RPS6KA2: variants seen among roughly 807,000 people sequenced by gnomAD.
RPS6KA2 encodes the protein ribosomal protein S6 kinase A2, also known as ribosomal protein S6 kinase alpha-2.
A neutral mutation model predicts 91.8 loss-of-function variants in RPS6KA2; 42 were observed. The observed-to-expected ratio is 0.46, with a 90% CI of 0.36 to 0.59. RPS6KA2 has a LOEUF of 0.59. RPS6KA2 is among the 20% of genes least tolerant of loss of function. The pLI is 0.00. For missense variants in RPS6KA2, 798 were observed against 978.5 expected (o/e 0.82, Z 2.46); for synonymous variants, 414 against 393.6 (o/e 1.05, Z -0.61).
At chr6:166,489,270 A>G (rs1781514677) in intron 9 of RPS6KA2, among the ~76,000 whole-genome samples, 1 of 152,244 alleles carries the variant, frequency 6.6e-6, no homozygotes, top group African/African-American at 2.4e-5. Flanking sequence ...TAACATTGTT[A>G]ATGGAAATTA....
intron 14 of RPS6KA2, among the ~76,000 whole-genome samples, chr6:166,438,265 A>C (rs1333900729): frequency 6.6e-6 from 1 of 152,248 alleles, no homozygotes; most frequent in Non-Finnish European, 1.5e-5. Flanking sequence ...CATCTGTCTT[A>C]ATTCCGTTTC....
At chr6:166,585,288 T>C (rs1246598548) in intron 1 of RPS6KA2, among the ~76,000 whole-genome samples, 2 of 152,236 alleles carry the variant, frequency 1.3e-5, no homozygotes, top group African/African-American at 4.8e-5. Flanking sequence ...TCAGCAACTT[T>C]AGCTTCTTCA....
At chr6:166,776,652 A>C (rs1255992980) in intron 2 of RPS6KA2, among the ~76,000 whole-genome samples, 1 of 152,166 alleles carries the variant, frequency 6.6e-6, no homozygotes, top group Admixed American at 6.5e-5. Flanking sequence ...TATAGACAGA[A>C]CCGCACAGCG....
upstream of RPS6KA2, among the ~76,000 whole-genome samples, chr6:166,631,284 A>G (rs1787067394): frequency 6.6e-6 from 1 of 152,248 alleles, no homozygotes. Context: ...TAGTCAGGAG[A>G]GGCAGGTGGA....
chr6:166,752,208 A>G (rs1791307958), intron 2 of RPS6KA2, among the ~76,000 whole-genome samples: 2 of 152,232 alleles, frequency 1.3e-5, no homozygotes, highest in Admixed American at 6.5e-5. Flanking sequence ...GGCCTAGCCA[A>G]TGGGCGGTAT....
intron 10 of RPS6KA2, among the ~76,000 whole-genome samples, chr6:166,486,722 C>T (rs371690814): frequency 4.7e-4 from 72 of 152,096 alleles, no homozygotes; most frequent in East Asian, 3.3e-3. Context: ...GCACGGGCTC[C>T]GCTGCGGGGT....
chr6:166,411,979 GGCAGCCCAGTGC>G lies in RPS6KA2; in HGVS notation c.*771_*782del, dbSNP rs1778319314. 2 of 152,268 alleles carry G rather than the reference GGCAGCCCAGTGC, an allele frequency of 1.3e-5. No individual in the cohort carries two copies. The highest frequency in any genetic ancestry group is 1.3e-4 in the Admixed American group (2 of 15,268). The allele number at this position is 152,268 out of a possible 1,614,324, so 9.4% of individuals were successfully genotyped here. A position where few individuals can be genotyped will look rare whatever the true frequency, so the allele number is the denominator to read the frequency against. On this transcript the variant is annotated 3_prime_UTR_variant, in exon 21 of 21. Coordinates refer to ENST00000265678, the MANE Select transcript of RPS6KA2 (RefSeq NM_021135.6). The surrounding 1 kb of genome is among the most constrained non-coding windows in gnomAD (Gnocchi z 4.5). ...GTGGCCACGGGAGCTGGGGACAGAC[GGCAGCCCAGTGC>G]GCTTGGCCCCCCGGGGAAAGCCGAG... is the stretch of plus-strand genomic sequence containing the variant.
At chr6:166,449,860 T>C (rs62438440) in intron 13 of RPS6KA2, among the ~76,000 whole-genome samples, 34,008 of 124,420 alleles carry the variant, frequency 0.27, 4,305 homozygotes, top group Middle Eastern at 0.45. Context: ...AGGACCACCA[T>C]GGGAACCACC....
At chr6:166,544,958 T>C (rs1194014540) in intron 1 of RPS6KA2, among the ~76,000 whole-genome samples, 1 of 152,202 alleles carries the variant, frequency 6.6e-6, no homozygotes, top group Non-Finnish European at 1.5e-5. Flanking sequence ...ACATGGGCGC[T>C]TGCTGGAATC....
intron 2 of RPS6KA2, among the ~76,000 whole-genome samples, chr6:166,723,335 C>T (rs920097324): frequency 4.6e-5 from 7 of 152,322 alleles, no homozygotes; most frequent in Middle Eastern, 3.4e-3. Flanking sequence ...GGTGTGGGAG[C>T]GACAGAACAT....
At chr6:166,616,178 T>G (rs898976914) in intron 1 of RPS6KA2, among the ~76,000 whole-genome samples, 1 of 152,204 alleles carries the variant, frequency 6.6e-6, no homozygotes, top group African/African-American at 2.4e-5. Flanking sequence ...TTTCATTTAT[T>G]ACGGGTCAGA....
At chr6:166,413,018 G>C in intron 20 of RPS6KA2, 131 bp from the exon 21 acceptor site, 1 of 999,508 alleles carries the variant, frequency 1.0e-6, no homozygotes, top group South Asian at 1.8e-5. Context: ...CAGGGTCCCT[G>C]GAGCATGGAG....
At chr6:166,681,271 G>T (rs1788799700) in intron 2 of RPS6KA2, among the ~76,000 whole-genome samples, 1 of 152,222 alleles carries the variant, frequency 6.6e-6, no homozygotes, top group South Asian at 2.1e-4. Flanking sequence ...ACGACAAAAA[G>T]AAGTGGGTTG....
At chr6:166,447,049 G>A (rs894873499) in intron 14 of RPS6KA2, among the ~76,000 whole-genome samples, 6 of 152,192 alleles carry the variant, frequency 3.9e-5, no homozygotes, top group African/African-American at 1.2e-4. Flanking sequence ...GATGGTAGGC[G>A]CCCATCTAAG....
At chr6:166,682,360 G>A (rs901726003) in intron 2 of RPS6KA2, among the ~76,000 whole-genome samples, 2 of 152,164 alleles carry the variant, frequency 1.3e-5, no homozygotes, top group African/African-American at 2.4e-5. Flanking sequence ...CAGTATCCAC[G>A]TTTGGCTTAC....
intron 2 of RPS6KA2, among the ~76,000 whole-genome samples, chr6:166,673,868 CT>C (rs1788547888): frequency 6.6e-6 from 1 of 152,238 alleles, no homozygotes; most frequent in Admixed American, 6.5e-5. Context: ...TTACCATTTG[CT>C]GTTAAAAATA....
At chr6:166,618,695 C>A (rs543874061) in intron 1 of RPS6KA2, among the ~76,000 whole-genome samples, 1 of 152,372 alleles carries the variant, frequency 6.6e-6, no homozygotes, top group South Asian at 2.1e-4. Context: ...TCCGTTACAT[C>A]CAAGCTTCGG....
chr6:166,696,940 C>A (rs751541438), intron 2 of RPS6KA2, among the ~76,000 whole-genome samples: 2 of 152,200 alleles, frequency 1.3e-5, no homozygotes. Flanking sequence ...CAGACTAGAA[C>A]TTACACCATG....
chr6:166,447,060 T>G (rs1779703591), intron 14 of RPS6KA2, among the ~76,000 whole-genome samples: 2 of 152,210 alleles, frequency 1.3e-5, no homozygotes, highest in African/African-American at 2.4e-5. Flanking sequence ...CCCATCTAAG[T>G]GCTCCTTTAA....
Sources: allele counts gnomAD v4.1 joint callset (sites outside exome capture counted in the v4.1 genomes callset), GRCh38; gene constraint gnomAD v4.1.1; non-coding constraint Gnocchi (gnomAD v3.1); transcripts MANE v1.5; gene names NCBI Gene and HGNC (gene_info 2026-07-23, HGNC 2026-07-21).